Variants in NUCKS1 observed in about 807,000 individuals in gnomAD.
NUCKS1 encodes the protein nuclear ubiquitous casein and cyclin-dependent kinase substrate 1.
NUCKS1 carries 2 observed loss-of-function variants against 33.0 expected under a neutral mutation model. The ratio of observed to expected loss-of-function variants is 0.06; its 90% confidence interval spans 0.02 to 0.19. The LOEUF is 0.19. NUCKS1 is among the 10% of genes least tolerant of loss of function. The pLI, the probability that NUCKS1 is intolerant of heterozygous loss-of-function variation, is 1.00. For missense variants in NUCKS1, 201 were observed against 293.6 expected (o/e 0.68, Z 2.31); for synonymous variants, 106 against 102.8 (o/e 1.03, Z -0.19).
At chr1:205,726,971 T>G (rs1450790055) in intron 3 of NUCKS1, among the ~76,000 whole-genome samples, 1 of 149,434 alleles carries the variant, frequency 6.7e-6, no homozygotes, top group Non-Finnish European at 1.5e-5. Context: ...CTTGTTGTTG[T>G]TTTTTTTTCC....
chr1:205,731,556 A>T (rs1653910756), intron 1 of NUCKS1, among the ~76,000 whole-genome samples: 1 of 152,162 alleles, frequency 6.6e-6, no homozygotes, highest in Non-Finnish European at 1.5e-5. Flanking sequence ...TAAAAAATGC[A>T]CTGTTACTGT....
intron 2 of NUCKS1, among the ~76,000 whole-genome samples, chr1:205,728,117 T>C (rs973525744): frequency 1.3e-5 from 2 of 152,192 alleles, no homozygotes; most frequent in African/African-American, 2.4e-5. Context: ...ATTATTGTAA[T>C]ATGGTTATAT....
chr1:205,718,155 GCCCA>G lies in NUCKS1; in HGVS notation c.*121_*124del. ...CAACAAATGGAAAAAAGCACTGAAA[GCCCA>G]TGAGTCAAGCCATAGCCAAAACCAT... On this transcript the variant is annotated 3_prime_UTR_variant, in exon 7 of 7. Transcript: ENST00000367142. 7.6e-7 allele frequency: 1 copy of G among 1,315,700 alleles called. No homozygotes were observed. The highest frequency in any genetic ancestry group is 9.6e-7 in the Non-Finnish European group (1 of 1,037,352). 81.5% of individuals were successfully genotyped at this position (1,315,700 alleles called of 1,614,324 possible).
intron 1 of NUCKS1, among the ~76,000 whole-genome samples, chr1:205,732,570 CA>C (rs1317317080): frequency 1.3e-5 from 2 of 152,080 alleles, no homozygotes; most frequent in Middle Eastern, 3.4e-3. Context: ...ATCATGAGGT[CA>C]AAAGATCGAG....
chr1:205,715,658 A>G lies in NUCKS1; in HGVS notation c.*2622T>C, dbSNP rs1671809241. ...TCAGTCAGCATAGCTGCTGAAATCT[A>G]CGTTGTAGAGGTAAACCTAGCAGAG... is the stretch of plus-strand genomic sequence containing the variant. On this transcript the variant is annotated 3_prime_UTR_variant, in exon 7 of 7. Transcript: ENST00000367142. 6.6e-6 allele frequency: 1 copy of G among 152,256 alleles called. No homozygotes were observed. Among genetic ancestry groups the G allele is most frequent in the African/African-American group, 2.4e-5 (1 of 41,470 alleles). The allele number at this position is 152,256 out of a possible 1,614,324, so 9.4% of individuals were successfully genotyped here. A position where few individuals can be genotyped will look rare whatever the true frequency, so the allele number is the denominator to read the frequency against.
At chr1:205,733,011 T>C (rs569583720) in intron 1 of NUCKS1, among the ~76,000 whole-genome samples, 1 of 151,602 alleles carries the variant, frequency 6.6e-6, no homozygotes, top group Admixed American at 6.6e-5. Flanking sequence ...TTATTTAGGA[T>C]AAAAAAAATG....
At position 205,715,183 on chromosome 1, in the gene NUCKS1, T is replaced by C. The variant is rs564488546; in HGVS notation, c.*3097A>G. On this transcript the variant is annotated 3_prime_UTR_variant, in exon 7 of 7. Coordinates refer to ENST00000367142, the MANE Select transcript of NUCKS1 (RefSeq NM_022731.5). ...TATAACCTCAAATTTCACTCTTGAT[T>C]TGTTATCTGTAAGAAAATGCTATTT... 6.6e-6 allele frequency: 1 copy of C among 152,344 alleles called. No homozygotes were observed. The highest frequency in any genetic ancestry group is 2.1e-4 in the South Asian group (1 of 4,826). The allele number at this position is 152,344 out of a possible 1,614,324, so 9.4% of individuals were successfully genotyped here.
At chr1:205,728,581 T>C (rs1421812209) in intron 2 of NUCKS1, among the ~76,000 whole-genome samples, 1 of 152,244 alleles carries the variant, frequency 6.6e-6, no homozygotes, top group Non-Finnish European at 1.5e-5. Flanking sequence ...AAGCATTTAA[T>C]AAATATTAGT....
chr1:205,745,093 G>A (rs974316685), intron 1 of NUCKS1, among the ~76,000 whole-genome samples: 9 of 152,094 alleles, frequency 5.9e-5, no homozygotes, highest in African/African-American at 2.2e-4. Context: ...TAGGAATGTG[G>A]ACTTCTAATA....
At chr1:205,719,712 T>A in intron 5 of NUCKS1, 36 bp from the exon 6 acceptor site, 2 of 1,590,864 alleles carry the variant, frequency 1.3e-6, no homozygotes, top group East Asian at 2.2e-5. Flanking sequence ...TCTAACTTAA[T>A]GTACACATCC....
At chr1:205,742,491 C>G (rs1654202261) in intron 1 of NUCKS1, among the ~76,000 whole-genome samples, 2 of 152,178 alleles carry the variant, frequency 1.3e-5, no homozygotes, top group Non-Finnish European at 2.9e-5. Context: ...TAAAGGGGCG[C>G]CCAGTTTGAC....
chr1:205,729,993 C>A (rs1192457359), intron 1 of NUCKS1, among the ~76,000 whole-genome samples: 1 of 151,086 alleles, frequency 6.6e-6, no homozygotes, highest in Non-Finnish European at 1.5e-5. Context: ...TGCACTCCAG[C>A]CTGGGCAACA....
Position 205,715,297 on chromosome 1 carries a change from G to C in NUCKS1, c.*2983C>G, listed in dbSNP as rs1671803987. On this transcript the variant is annotated 3_prime_UTR_variant, in exon 7 of 7. Coordinates refer to ENST00000367142, the MANE Select transcript of NUCKS1 (RefSeq NM_022731.5). ...ACAGTCAATATGTAAGCTCCTTCAA[G>C]GGAAATCAACTACTGTTCCTCAAGA... 1 of 152,212 alleles carries C rather than the reference G, an allele frequency of 6.6e-6. No individual in the cohort carries two copies. The highest frequency in any genetic ancestry group is 2.4e-5 in the African/African-American group (1 of 41,442). The allele number at this position is 152,212 out of a possible 1,614,324, so 9.4% of individuals were successfully genotyped here.
Position 205,715,865 on chromosome 1 carries a change from A to G in NUCKS1, c.*2415T>C, listed in dbSNP as rs911403681. On this transcript the variant is annotated 3_prime_UTR_variant, in exon 7 of 7. Coordinates refer to ENST00000367142, the MANE Select transcript of NUCKS1 (RefSeq NM_022731.5). ...GCTTGTAATGCGTCCTGACATCACT[A>G]TCAAGCCTGACTATTGAGCACCTGT... is the stretch of plus-strand genomic sequence containing the variant. 1 of 152,168 alleles carries G rather than the reference A, an allele frequency of 6.6e-6. No individual in the cohort carries two copies. The highest frequency in any genetic ancestry group is 2.4e-5 in the African/African-American group (1 of 41,448). The allele number at this position is 152,168 out of a possible 1,614,324, so 9.4% of individuals were successfully genotyped here.
intron 1 of NUCKS1, among the ~76,000 whole-genome samples, chr1:205,731,510 T>C (rs964277912): frequency 1.3e-5 from 2 of 152,190 alleles, no homozygotes; most frequent in Non-Finnish European, 2.9e-5. Context: ...TCCATGTTAG[T>C]ACCCAAACAG....
chr1:205,730,937 T>C (rs1010178037), intron 1 of NUCKS1, among the ~76,000 whole-genome samples: 3 of 152,234 alleles, frequency 2.0e-5, no homozygotes, highest in African/African-American at 7.2e-5. Context: ...ATTTTACTCT[T>C]ACTGCTACAC....
rs1210626474 is a variant in NUCKS1, at chr1:205,713,981, A to C, written c.*4299T>G. 6.6e-6 allele frequency: 1 copy of C among 152,228 alleles called. No homozygotes were observed. Among genetic ancestry groups the C allele is most frequent in the African/African-American group, 2.4e-5 (1 of 41,460 alleles). 9.4% of individuals were successfully genotyped at this position (152,228 alleles called of 1,614,324 possible). ...GGCTGTTGCTTAACCTGGCAAGTCT[A>C]AAAGCCTTTCTTTAACCTTGTAGGA... On this transcript the variant is annotated 3_prime_UTR_variant, in exon 7 of 7. Coordinates refer to ENST00000367142, the MANE Select transcript of NUCKS1 (RefSeq NM_022731.5).
intron 1 of NUCKS1, among the ~76,000 whole-genome samples, chr1:205,747,601 G>A (rs1257056398): frequency 1.3e-5 from 2 of 152,144 alleles, no homozygotes; most frequent in Non-Finnish European, 2.9e-5. Flanking sequence ...ATGGTACAAT[G>A]AGAACCAGAA....
intron 5 of NUCKS1, 102 bp downstream of exon 5, chr1:205,720,399 A>G (rs1671899024): frequency 1.7e-6 from 2 of 1,147,646 alleles, no homozygotes; most frequent in East Asian, 2.4e-5. Context: ...AATTTAAGGG[A>G]CTGGTTGTAA....
Sources: gnomAD v4.1 joint callset for allele counts (sites outside exome capture counted in the v4.1 genomes callset) on GRCh38, gnomAD v4.1.1 for gene constraint, MANE v1.5 for transcripts, NCBI Gene and HGNC (gene_info 2026-07-23, HGNC 2026-07-21) for gene names.